The following SGCD variants were observed in gnomAD, a reference collection of about 807,000 sequenced individuals.
SGCD encodes sarcoglycan delta, also known as delta-sarcoglycan.
A neutral mutation model predicts 36.6 loss-of-function variants in SGCD; 18 were observed. The ratio of observed to expected loss-of-function variants is 0.49; its 90% CI spans 0.34 to 0.73. SGCD has a LOEUF of 0.73. Ranked by LOEUF, SGCD falls within the 30% of genes least tolerant of loss-of-function variation. The pLI is 0.01. For synonymous variants in SGCD, 133 were observed against 130.6 expected, an observed-to-expected ratio of 1.02 and a Z score of -0.12; for missense variants, 387 against 346.7, an observed-to-expected ratio of 1.12 and a Z score of -0.92.
chr5:155,840,085 CTTT>C, the SGCD span, among the ~76,000 whole-genome samples: 2 of 149,540 alleles, frequency 1.3e-5, no homozygotes, highest in Non-Finnish European at 3.0e-5. Context: ...TTGTGTCAGT[CTTT>C]TTTTTTTTTA....
At position 156,765,935 on chromosome 5, in the gene SGCD, T is replaced by C. The variant is rs1010800357; in HGVS notation, c.*6545T>C. The C allele has an allele frequency of 6.6e-6, 1 of 151,088 alleles. No individual in the cohort carries two copies. The highest frequency in any genetic ancestry group is 2.4e-5 in the African/African-American group (1 of 40,932). The allele number at this position is 151,088 out of a possible 1,614,324, so 9.4% of individuals were successfully genotyped here. On this transcript the variant is annotated 3_prime_UTR_variant, in exon 9 of 9. Coordinates refer to ENST00000337851, the MANE Select transcript of SGCD (RefSeq NM_000337.6). ...CAGTGACAGCATCTATACTAAAGTA[T>C]AGATACCTAAGGGGAAAATATAGAA...
At chr5:155,835,144 G>A in the SGCD span, among the ~76,000 whole-genome samples, 1 of 150,792 alleles carries the variant, frequency 6.6e-6, no homozygotes, top group Non-Finnish European at 1.5e-5. Context: ...GAGTAGCTGG[G>A]ATTACAGGCG....
At chr5:156,095,357 G>A (rs1034439235) in intron 1 of SGCD, among the ~76,000 whole-genome samples, 23 of 152,194 alleles carry the variant, frequency 1.5e-4, no homozygotes, top group Admixed American at 1.2e-3. Context: ...TTTTGATAGA[G>A]ATAACTGAAG....
At chr5:155,916,958 T>A (rs549676754) in intron 1 of SGCD, among the ~76,000 whole-genome samples, 25 of 152,212 alleles carry the variant, frequency 1.6e-4, no homozygotes, top group Non-Finnish European at 3.1e-4. Context: ...TTTCCCCTAA[T>A]TGCTTTTGCT....
At chr5:156,137,714 G>C (rs1762491707) in intron 3 of SGCD, among the ~76,000 whole-genome samples, 1 of 152,054 alleles carries the variant, frequency 6.6e-6, no homozygotes, top group East Asian at 1.9e-4. Flanking sequence ...GGGTCATTTT[G>C]ACTATATATG....
At position 156,444,083 on chromosome 5, in the gene SGCD, T is replaced by C. The variant is rs868321500; in HGVS notation, c.193-64518T>C. On this transcript the variant is annotated intron_variant, in intron 3 of 8. Transcript: ENST00000337851. Reference sequence around the variant, plus strand: ...CTCTCCTTCTCTCTCTCTCTCTCTCTCTCTCTCTCTCTCTCTCTCTCTCTC... The same window carrying C: ...CTCTCCTTCTCTCTCTCTCTCTCTCCCTCTCTCTCTCTCTCTCTCTCTCTC... 6.0e-4 allele frequency among the ~76,000 whole-genome samples: 69 copies of C among 114,528 alleles called. No homozygotes were observed. In the South Asian group the frequency reaches 6.7e-3, roughly 11 times the overall value. The allele number at this position is 114,528 out of a possible 152,430, so 75.1% of individuals were successfully genotyped here. A position where few individuals can be genotyped will look rare whatever the true frequency, so the allele number is the denominator to read the frequency against.
the SGCD span, among the ~76,000 whole-genome samples, chr5:155,799,818 T>C: frequency 7.4e-6 from 1 of 135,988 alleles, no homozygotes; most frequent in African/African-American, 2.8e-5. Context: ...TCCCCTTTTT[T>C]TTTTTTTTTT....
chr5:156,582,931 TTGAGA>T (rs1760341647), intron 4 of SGCD, among the ~76,000 whole-genome samples: 1 of 152,216 alleles, frequency 6.6e-6, no homozygotes, highest in African/African-American at 2.4e-5. Context: ...GAGATTTGCC[TTGAGA>T]TATTACCTTT....
chr5:155,979,582 A>G (rs149237338), intron 1 of SGCD, among the ~76,000 whole-genome samples: 1 of 152,320 alleles, frequency 6.6e-6, no homozygotes, highest in East Asian at 1.9e-4. Flanking sequence ...TCCTCTGTCA[A>G]CACCATGGGG....
intron 3 of SGCD, among the ~76,000 whole-genome samples, chr5:156,268,765 G>A (rs1766072294): frequency 6.6e-6 from 1 of 152,032 alleles, no homozygotes; most frequent in African/African-American, 2.4e-5. Context: ...GCAAATTTTT[G>A]TGTTTTATAG....
At chr5:156,149,788 A>G (rs1405944502) in intron 3 of SGCD, among the ~76,000 whole-genome samples, 2 of 152,156 alleles carry the variant, frequency 1.3e-5, no homozygotes, top group Admixed American at 1.3e-4. Context: ...AAGTGAGCCT[A>G]TGGTTTGCAA....
At position 156,311,687 on chromosome 5, in the gene SGCD, T is replaced by C. The variant is rs1481960412; in HGVS notation, c.-43-17847T>C. Among the ~76,000 whole-genome samples, 8 of 152,144 alleles carry C rather than the reference T, an allele frequency of 5.3e-5. No individual in the cohort carries two copies. In the South Asian group the frequency reaches 1.5e-3, roughly 28 times the overall value. On this transcript the variant is annotated intron_variant, in intron 3 of 9. Transcript: ENST00000517913. ...CTCTACCAGCAGAGTTCTAATCATA[T>C]TGGGTTTCTGTATTTAAGTTCTATA...
At chr5:156,077,234 T>C (rs964801141) in intron 1 of SGCD, among the ~76,000 whole-genome samples, 7 of 152,188 alleles carry the variant, frequency 4.6e-5, no homozygotes, top group Admixed American at 1.3e-4. Context: ...GGCAAACTCT[T>C]TCCTATCCTT....
At chr5:155,938,274 A>T (rs1757256198) in intron 1 of SGCD, among the ~76,000 whole-genome samples, 1 of 152,166 alleles carries the variant, frequency 6.6e-6, no homozygotes, top group Non-Finnish European at 1.5e-5. Flanking sequence ...AGAGTACTTC[A>T]CTGCAGGCCA....
intron 3 of SGCD, among the ~76,000 whole-genome samples, chr5:156,402,460 C>T (rs537274047): frequency 7.2e-5 from 11 of 152,196 alleles, no homozygotes; most frequent in Admixed American, 4.6e-4. Context: ...GATGATTCAG[C>T]GCAGACTGCT....
chr5:156,422,342 G>GT (rs1319616089), intron 3 of SGCD, among the ~76,000 whole-genome samples: 7 of 151,830 alleles, frequency 4.6e-5, no homozygotes, highest in South Asian at 2.1e-4. Context: ...TTTTGTTTTT[G>GT]TTTTTTTTCT....
the SGCD span, among the ~76,000 whole-genome samples, chr5:155,793,277 A>G: frequency 6.6e-6 from 1 of 152,062 alleles, no homozygotes; most frequent in African/African-American, 2.4e-5. Context: ...TAGACTGAAA[A>G]ACTACCTGTT....
intron 4 of SGCD, among the ~76,000 whole-genome samples, chr5:156,583,781 G>A (rs1273329098): frequency 6.6e-6 from 1 of 152,168 alleles, no homozygotes; most frequent in Admixed American, 6.5e-5. Context: ...CAGCCTACAA[G>A]TCTGAGTCAG....
At chr5:155,932,722 A>C (rs1383872989) in intron 1 of SGCD, among the ~76,000 whole-genome samples, 1 of 152,164 alleles carries the variant, frequency 6.6e-6, no homozygotes, top group Non-Finnish European at 1.5e-5. Context: ...TTTAAATGTT[A>C]GGAGCATTTG....
Sources: gnomAD v4.1 joint callset for allele counts (sites outside exome capture counted in the v4.1 genomes callset) on GRCh38, gnomAD v4.1.1 for gene constraint, MANE v1.5 for transcripts, NCBI Gene and HGNC (gene_info 2026-07-23, HGNC 2026-07-21) for gene names.